The following EBF1 variants were observed in gnomAD, a reference collection of about 807,000 sequenced individuals.
EBF1 encodes transcription factor COE1.
A neutral mutation model predicts 68.4 loss-of-function variants in EBF1; 10 were observed. The observed-to-expected ratio is 0.15, with a 90% CI of 0.09 to 0.25. The LOEUF (loss-of-function observed/expected upper bound fraction) is 0.25. Among genes scored for constraint, EBF1 ranks in the 10% least tolerant of loss-of-function variants. EBF1 has a pLI of 1.00. For synonymous variants in EBF1, 298 were observed against 299.8 expected, an observed-to-expected ratio of 0.99 and a Z score of 0.06; for missense variants, 509 against 794.4, an observed-to-expected ratio of 0.64 and a Z score of 4.32.
At chr5:159,042,797 A>G (rs1229317862) in intron 6 of EBF1, among the ~76,000 whole-genome samples, 1 of 152,074 alleles carries the variant, frequency 6.6e-6, no homozygotes, top group Non-Finnish European at 1.5e-5. Flanking sequence ...AGTGTTCACA[A>G]GTTTGGATGA....
intron 10 of EBF1, among the ~76,000 whole-genome samples, chr5:158,765,200 T>C (rs914421508): frequency 6.6e-6 from 1 of 152,156 alleles, no homozygotes; most frequent in Non-Finnish European, 1.5e-5. Flanking sequence ...CTATGTCTTC[T>C]GAGCTAACCA....
rs578083884 is a variant in EBF1, at chr5:158,966,607, A to C, written c.554+106789T>G. Among the ~76,000 whole-genome samples, 7 of 152,280 alleles carry C rather than the reference A, an allele frequency of 4.6e-5. No individual in the cohort carries two copies. In the East Asian group the frequency reaches 1.3e-3, roughly 29 times the overall value. Reference sequence around the variant, plus strand: ...TACACTCTTAGAAGGCAATTAATAGACCCAAGAAACTCAAACCAAACACAT... The same window carrying C: ...TACACTCTTAGAAGGCAATTAATAGCCCCAAGAAACTCAAACCAAACACAT... On this transcript the variant is annotated intron_variant, in intron 6 of 15. Coordinates refer to ENST00000313708, the MANE Select transcript of EBF1 (RefSeq NM_024007.5).
chr5:158,768,591 CTT>C (rs1773244394), intron 10 of EBF1, among the ~76,000 whole-genome samples: 2 of 152,034 alleles, frequency 1.3e-5, no homozygotes, highest in African/African-American at 4.8e-5. Flanking sequence ...ATATGCATAA[CTT>C]TGCAGTAAAG....
At chr5:158,737,215 C>G (rs984010694) in intron 10 of EBF1, among the ~76,000 whole-genome samples, 32 of 146,516 alleles carry the variant, frequency 2.2e-4, no homozygotes, top group African/African-American at 8.0e-4. Context: ...GCAGAATTAA[C>G]CAATAGAGAA....
intron 9 of EBF1, among the ~76,000 whole-genome samples, chr5:158,790,725 T>C (rs1406988155): frequency 6.6e-6 from 1 of 152,134 alleles, no homozygotes; most frequent in African/African-American, 2.4e-5. Context: ...CATAACATTA[T>C]CTAGAAGACG....
intron 6 of EBF1, among the ~76,000 whole-genome samples, chr5:159,034,176 C>T (rs541492034): frequency 6.6e-6 from 1 of 152,188 alleles, no homozygotes; most frequent in Non-Finnish European, 1.5e-5. Context: ...TCAAACTATG[C>T]TTTTTTTGAC....
intron 10 of EBF1, among the ~76,000 whole-genome samples, chr5:158,748,943 T>G (rs1420965178): frequency 2.0e-5 from 3 of 152,128 alleles, no homozygotes; most frequent in Middle Eastern, 3.2e-3. Flanking sequence ...TCTTGAAATA[T>G]TTGGCCTGTT....
chr5:158,942,610 T>C (rs1388857898), intron 6 of EBF1, among the ~76,000 whole-genome samples: 2 of 152,088 alleles, frequency 1.3e-5, no homozygotes, highest in African/African-American at 4.8e-5. Flanking sequence ...ATAGAGACTT[T>C]AATTTCAAAT....
chr5:158,892,018 T>C (rs529549290), intron 6 of EBF1, among the ~76,000 whole-genome samples: 103 of 152,350 alleles, frequency 6.8e-4, no homozygotes, highest in African/African-American at 2.3e-3. Context: ...ATTGCTGTGA[T>C]TGTGTAACAT....
chr5:158,901,449 A>G (rs892824008), intron 6 of EBF1, among the ~76,000 whole-genome samples: 1 of 152,256 alleles, frequency 6.6e-6, no homozygotes, highest in Non-Finnish European at 1.5e-5. Flanking sequence ...GGTAGTCAAC[A>G]ATAAATGAAT....
At chr5:158,732,126 T>A (rs184572113) in intron 10 of EBF1, among the ~76,000 whole-genome samples, 8 of 152,326 alleles carry the variant, frequency 5.3e-5, no homozygotes, top group Middle Eastern at 3.4e-3. Flanking sequence ...GGTGTTTTTT[T>A]AAAATTTCTT....
At chr5:159,082,896 A>G (rs1779976852) in intron 5 of EBF1, among the ~76,000 whole-genome samples, 2 of 152,226 alleles carry the variant, frequency 1.3e-5, no homozygotes, top group African/African-American at 4.8e-5. Flanking sequence ...GAACATCAGC[A>G]GTAAAGCACA....
At chr5:158,925,726 A>C (rs1809554774) in intron 6 of EBF1, among the ~76,000 whole-genome samples, 1 of 152,194 alleles carries the variant, frequency 6.6e-6, no homozygotes, top group Admixed American at 6.5e-5. Flanking sequence ...AAACAGGAAA[A>C]CAAACAAATA....
chr5:158,839,965 C>G (rs922069442), intron 7 of EBF1, 64 bp downstream of exon 7: 1 of 1,535,316 alleles, frequency 6.5e-7, no homozygotes, highest in East Asian at 2.2e-5. Flanking sequence ...CTGCCTAAGA[C>G]TTTTTTATCC....
chr5:158,737,139 C>T (rs1008117490), intron 10 of EBF1, among the ~76,000 whole-genome samples: 1 of 152,050 alleles, frequency 6.6e-6, no homozygotes, highest in African/African-American at 2.4e-5. Flanking sequence ...CAGGGAAGGA[C>T]TCCTGGAACC....
At chr5:158,895,985 G>A (rs913101304) in intron 6 of EBF1, among the ~76,000 whole-genome samples, 2 of 152,138 alleles carry the variant, frequency 1.3e-5, no homozygotes, top group Admixed American at 6.5e-5. Context: ...GAAAGGAAAG[G>A]AATTCCCAAT....
chr5:158,875,344 T>A (rs1797640298), intron 6 of EBF1, among the ~76,000 whole-genome samples: 1 of 152,192 alleles, frequency 6.6e-6, no homozygotes, highest in Non-Finnish European at 1.5e-5. Context: ...CCTTTCCAAA[T>A]GGACTCTACA....
chr5:158,756,347 G>A (rs2127602314), intron 10 of EBF1, among the ~76,000 whole-genome samples: 1 of 152,080 alleles, frequency 6.6e-6, no homozygotes, highest in South Asian at 2.1e-4. Flanking sequence ...CACAGGAAAA[G>A]GCAGACAAAA....
intron 6 of EBF1, among the ~76,000 whole-genome samples, chr5:159,033,651 A>C (rs1424562927): frequency 6.6e-6 from 1 of 152,238 alleles, no homozygotes; most frequent in Non-Finnish European, 1.5e-5. Context: ...ACATCAAAAC[A>C]GATTTACTGC....
Sources: allele counts gnomAD v4.1 joint callset (sites outside exome capture counted in the v4.1 genomes callset), GRCh38; gene constraint gnomAD v4.1.1; transcripts MANE v1.5; gene names NCBI Gene and HGNC (gene_info 2026-07-23, HGNC 2026-07-21).